BAG1: variants seen among roughly 807,000 people sequenced by gnomAD.
BAG1 encodes BAG family molecular chaperone regulator 1.
Under a neutral mutation model 35.5 loss-of-function variants are expected in BAG1, and 35 were observed. The observed-to-expected ratio is 0.99, with a 90% CI of 0.75 to 1.31. The LOEUF (loss-of-function observed/expected upper bound fraction) is 1.31, where lower values mean the gene tolerates loss of function less well. BAG1 is among the 50% of genes most tolerant of loss of function. The probability of loss-of-function intolerance (pLI) is 0.00; values close to 1 mark genes in which losing one functional copy is unlikely to be tolerated. For missense variants in BAG1, 464 were observed against 453.6 expected, an observed-to-expected ratio of 1.02 and a Z score of -0.21; for synonymous variants, 191 against 178.9, an observed-to-expected ratio of 1.07 and a Z score of -0.54.
At chr9:33,256,738 G>C (rs988853431) in intron 5 of BAG1, 63 bp downstream of exon 5, 1 of 1,344,826 alleles carries the variant, frequency 7.4e-7, no homozygotes, top group Non-Finnish European at 1.1e-6. Context: ...ATTACTGAAA[G>C]AGTGAATGTG....
At chr9:33,262,374 T>G in intron 2 of BAG1, 1 of 1,152,130 alleles carries the variant, frequency 8.7e-7, no homozygotes, top group Non-Finnish European at 1.1e-6. Flanking sequence ...TGCTTACCCT[T>G]GGCCAGGTGC....
rs190229073 is a variant in BAG1, at chr9:33,261,254, G to A, written c.581-85C>T. On this transcript the variant is annotated intron_variant, in intron 2 of 6. Coordinates refer to ENST00000634734, the MANE Select transcript of BAG1 (RefSeq NM_004323.6). ...TCAGCAGGATACAGGAAATAGACAAGTGTGTTCACTAATGAGAACTGGTAT... is the reference window on the plus strand; with the variant it reads ...TCAGCAGGATACAGGAAATAGACAAATGTGTTCACTAATGAGAACTGGTAT... 45 of 993,392 alleles carry A rather than the reference G, an allele frequency of 4.5e-5. No individual in the cohort carries two copies. In the Middle Eastern group the frequency reaches 1.1e-3, roughly 24 times the overall value. The allele number at this position is 993,392 out of a possible 1,614,324, so 61.5% of individuals were successfully genotyped here. A position where few individuals can be genotyped will look rare whatever the true frequency, so the allele number is the denominator to read the frequency against.
At chr9:33,259,755 C>T (rs763619189) in intron 3 of BAG1, 2 of 152,202 alleles carry the variant, frequency 1.3e-5, no homozygotes, top group Admixed American at 6.5e-5. Flanking sequence ...AATGGAATTC[C>T]TAAATGGCAG....
chr9:33,259,924 T>G (rs1023135771), intron 3 of BAG1: 1 of 152,250 alleles, frequency 6.6e-6, no homozygotes, highest in African/African-American at 2.4e-5. Context: ...TTACAGATGA[T>G]GAAACTGAGG....
chr9:33,260,502 A>C (rs143129936), intron 3 of BAG1: 1 of 152,196 alleles, frequency 6.6e-6, no homozygotes, highest in African/African-American at 2.4e-5. Context: ...CCTAACTCAC[A>C]ATAAGGGAAC....
chr9:33,256,983 G>A (rs1365883203), intron 4 of BAG1, 75 bp from the exon 5 acceptor site: 3 of 1,097,452 alleles, frequency 2.7e-6, no homozygotes, highest in East Asian at 2.4e-5. Flanking sequence ...TACTAATGAT[G>A]CAATCACACT....
chr9:33,259,613 C>T (rs531162713), intron 3 of BAG1: 1 of 153,230 alleles, frequency 6.5e-6, no homozygotes, highest in Non-Finnish European at 1.5e-5. Context: ...GGAGACAATC[C>T]AAGTGCCAGA....
rs1181999947 is a variant in BAG1 at position 33,264,429 on chromosome 9, C to A, written c.246G>T (p.Arg82=). 3.7e-6 allele frequency: 6 copies of A among 1,612,000 alleles called. No individual in the cohort carries two copies. The highest frequency in any genetic ancestry group is 5.1e-6 in the Non-Finnish European group (6 of 1,179,138). ...CCTCGCTCCGGGTCAACTCCTCGCTCCGGGTCGAGCGGCGCCGGGTTTTCT... is the reference window on the plus strand; with the variant it reads ...CCTCGCTCCGGGTCAACTCCTCGCTACGGGTCGAGCGGCGCCGGGTTTTCT... Residue 82 remains arginine (R), a synonymous_variant, in exon 1 of 7, where the codon CGG becomes CGT. Coordinates refer to ENST00000634734, the MANE Select transcript of BAG1 (RefSeq NM_004323.6).
rs1299715246 is a variant in BAG1 at position 33,259,050 on chromosome 9, G to C, written c.664-17C>G. 1 of 1,602,800 alleles carries C rather than the reference G, an allele frequency of 6.2e-7. No homozygotes were observed. Among genetic ancestry groups the C allele is most frequent in the Non-Finnish European group, 8.5e-7 (1 of 1,170,540 alleles). On this transcript the variant is annotated splice_polypyrimidine_tract_variant and intron_variant, in intron 3 of 6. Coordinates refer to ENST00000634734, the MANE Select transcript of BAG1 (RefSeq NM_004323.6). ...TGGACTGTTCTAAAATGTTTAAGAAGAAAATAAAGCCAATAGTCAAAAAGA... is the reference window on the plus strand; with the variant it reads ...TGGACTGTTCTAAAATGTTTAAGAACAAAATAAAGCCAATAGTCAAAAAGA...
At position 33,264,441 on chromosome 9, in the gene BAG1, G is replaced by A; in HGVS notation, c.234C>T (p.Arg78=). The A allele has an allele frequency of 6.2e-7, 1 of 1,613,694 alleles. No individual in the cohort carries two copies. Among genetic ancestry groups the A allele is most frequent in the East Asian group, 2.2e-5 (1 of 44,876 alleles). Residue 78 remains arginine (R), a synonymous_variant, in exon 1 of 7, where the codon CGC becomes CGT. Transcript: ENST00000634734. ...TCAACTCCTCGCTCCGGGTCGAGCG[G>A]CGCCGGGTTTTCTTCTTCATCCGCG...
At position 33,255,847 on chromosome 9, in the gene BAG1, C is replaced by T. The variant is rs946426806; in HGVS notation, c.948+18G>A. ...CATTAACATATTACACCTTGTCGTG[C>T]ACTATTACACAACTCACCTGAACCT... On this transcript the variant is annotated intron_variant, in intron 6 of 6. Coordinates refer to ENST00000634734, the MANE Select transcript of BAG1 (RefSeq NM_004323.6). 10 of 1,606,424 alleles carry T rather than the reference C, an allele frequency of 6.2e-6. No individual in the cohort carries two copies. Among genetic ancestry groups the T allele is most frequent in the Non-Finnish European group, 7.7e-6 (9 of 1,173,062 alleles).
At chr9:33,258,295 T>C (rs1302148317) in intron 4 of BAG1, among the ~76,000 whole-genome samples, 2 of 28,510 alleles carry the variant, frequency 7.0e-5, no homozygotes, top group Non-Finnish European at 1.2e-4. Context: ...CGAGACTCCA[T>C]ATCAAAAAAA....
At chr9:33,263,952 A>G (rs537371234) in intron 1 of BAG1, among the ~76,000 whole-genome samples, 1 of 152,268 alleles carries the variant, frequency 6.6e-6, no homozygotes, top group South Asian at 2.1e-4. Context: ...CGGGCACACA[A>G]ACACAACCAG....
chr9:33,256,928 T>C lies in BAG1; in HGVS notation c.778-20A>G. 6.3e-7 allele frequency: 1 copy of C among 1,589,822 alleles called. No homozygotes were observed. The highest frequency in any genetic ancestry group is 8.6e-7 in the Non-Finnish European group (1 of 1,157,920). ...AAAACCCTGCGGGGAAATAATGCAT[T>C]ATTGCAAGGGTTCTCTGAGGCTGAC... On this transcript the variant is annotated intron_variant, in intron 4 of 6. Coordinates refer to ENST00000634734, the MANE Select transcript of BAG1 (RefSeq NM_004323.6).
At chr9:33,260,594 ATCTG>A (rs1204524126) in intron 3 of BAG1, 1 of 152,460 alleles carries the variant, frequency 6.6e-6, no homozygotes, top group Non-Finnish European at 1.5e-5. Context: ...TGCTGACCTC[ATCTG>A]TCTTTTTTTC....
In BAG1 at chr9:33,254,982, A is replaced by T; in HGVS notation, c.*237T>A. ...AATTTGGGCAGAGGTGGCCCTCTCC[A>T]GAAAAGGTGGATTGCTGGACAGTAC... On this transcript the variant is annotated 3_prime_UTR_variant, in exon 7 of 7. Coordinates refer to ENST00000634734, the MANE Select transcript of BAG1 (RefSeq NM_004323.6). 3.4e-6 allele frequency: 5 copies of T among 1,460,344 alleles called. No individual in the cohort carries two copies. Among genetic ancestry groups the T allele is most frequent in the Non-Finnish European group, 4.6e-6 (5 of 1,090,914 alleles). 90.5% of individuals were successfully genotyped at this position (1,460,344 alleles called of 1,614,324 possible).
At position 33,253,222 on chromosome 9, in the gene BAG1, C is replaced by T. The variant is rs911980952; in HGVS notation, c.*1997G>A. 2.0e-5 allele frequency: 3 copies of T among 152,070 alleles called. No individual in the cohort carries two copies. The highest frequency in any genetic ancestry group is 7.3e-5 in the African/African-American group (3 of 41,362). 9.4% of individuals were successfully genotyped at this position (152,070 alleles called of 1,614,324 possible). A position where few individuals can be genotyped will look rare whatever the true frequency, so the allele number is the denominator to read the frequency against. ...AAATCAGAGAATGGGCCTGTGCAAC[C>T]CTGTGTTGGTTGAGAGGCAGTACAG... On this transcript the variant is annotated 3_prime_UTR_variant, in exon 7 of 7. Coordinates refer to ENST00000634734, the MANE Select transcript of BAG1 (RefSeq NM_004323.6).
At chr9:33,256,685 A>C (rs1820459713) in intron 5 of BAG1, 116 bp downstream of exon 5, 1 of 808,798 alleles carries the variant, frequency 1.2e-6, no homozygotes, top group Non-Finnish European at 2.0e-6. Context: ...GTAGATGCTT[A>C]ATATTCTCAA....
Position 33,259,113 on chromosome 9 carries a change from C to A in BAG1, c.664-80G>T, listed in dbSNP as rs774985268. On this transcript the variant is annotated intron_variant, in intron 3 of 6. Coordinates refer to ENST00000634734, the MANE Select transcript of BAG1 (RefSeq NM_004323.6). ...TGGTGGCTCATGCCTGTAATCCCAG[C>A]ACTTTGGGAGGCCGAGATGGGCAGA... 6 of 1,178,406 alleles carry A rather than the reference C, an allele frequency of 5.1e-6. No individual in the cohort carries two copies. In the African/African-American group the frequency reaches 6.1e-5, roughly 12 times the overall value. 73.0% of individuals were successfully genotyped at this position (1,178,406 alleles called of 1,614,324 possible).
Sources: gnomAD v4.1 joint callset for allele counts (sites outside exome capture counted in the v4.1 genomes callset) on GRCh38, gnomAD v4.1.1 for gene constraint, MANE v1.5 for transcripts, NCBI Gene and HGNC (gene_info 2026-07-23, HGNC 2026-07-21) for gene names.